Variants in FNIP1 observed in about 807,000 individuals in gnomAD.
FNIP1 encodes the protein folliculin-interacting protein 1.
Under a neutral mutation model 124.5 loss-of-function variants are expected in FNIP1, and 40 were observed. The ratio of observed to expected loss-of-function variants is 0.32; its 90% CI spans 0.25 to 0.42. FNIP1 has a LOEUF of 0.42. Ranked by LOEUF, FNIP1 falls within the 10% of genes least tolerant of loss-of-function variation. The pLI, the probability that FNIP1 is intolerant of heterozygous loss-of-function variation, is 1.00. For synonymous variants in FNIP1, 472 were observed against 470.6 expected (o/e 1.00, Z -0.04); for missense variants, 1,176 against 1,403.7 (o/e 0.84, Z 2.59).
At chr5:131,666,151 T>G (rs572667645) in intron 15 of FNIP1, among the ~76,000 whole-genome samples, 2 of 152,194 alleles carry the variant, frequency 1.3e-5, no homozygotes, top group Non-Finnish European at 2.9e-5. Context: ...CCTCCCAAAG[T>G]GCTGAGATTA....
At chr5:131,735,923 C>G (rs1008544112) in intron 2 of FNIP1, among the ~76,000 whole-genome samples, 1 of 151,934 alleles carries the variant, frequency 6.6e-6, no homozygotes, top group Non-Finnish European at 1.5e-5. Flanking sequence ...GCGTATGCCA[C>G]CACATCCAGC....
chr5:131,719,814 A>G (rs556673796), intron 3 of FNIP1, among the ~76,000 whole-genome samples: 51 of 152,350 alleles, frequency 3.3e-4, no homozygotes, highest in Admixed American at 7.8e-4. Context: ...GTGAAATTCA[A>G]AGAATATGCA....
intron 1 of FNIP1, chr5:131,796,584 G>A (rs575181644): frequency 3.8e-5 from 21 of 554,916 alleles, no homozygotes; most frequent in Admixed American, 6.4e-5. Flanking sequence ...CTGGGGGCAG[G>A]TCGTAAACAA....
chr5:131,727,539 C>A (rs1394462608), intron 3 of FNIP1, among the ~76,000 whole-genome samples: 1 of 152,064 alleles, frequency 6.6e-6, no homozygotes, highest in East Asian at 1.9e-4. Flanking sequence ...GGTAAATATT[C>A]CTCTATCCTT....
At position 131,675,926 on chromosome 5, in the gene FNIP1, C is replaced by T. The variant is rs187965735; in HGVS notation, c.1519+1777G>A. 1.9e-3 allele frequency among the ~76,000 whole-genome samples: 291 copies of T among 152,298 alleles called. 3 individuals are homozygous for T. The highest frequency in any genetic ancestry group is 5.6e-3 in the Admixed American group (86 of 15,302). On this transcript the variant is annotated intron_variant, in intron 13 of 17. Transcript: ENST00000510461. ...CCAGGCTACGGTGCAGTGGCATGAT[C>T]TCGGCTCATTGCAACCTCTGCCTCC...
intron 2 of FNIP1, among the ~76,000 whole-genome samples, chr5:131,734,782 T>C (rs1454323106): frequency 2.0e-5 from 3 of 152,284 alleles, no homozygotes; most frequent in East Asian, 3.9e-4. Context: ...CCAGTTAGAA[T>C]GGCGATCATT....
At chr5:131,753,869 G>A (rs1160814037) in intron 1 of FNIP1, among the ~76,000 whole-genome samples, 7 of 150,906 alleles carry the variant, frequency 4.6e-5, no homozygotes, top group Non-Finnish European at 1.0e-4. Context: ...GCTGGAGTGC[G>A]GTAGCACAAT....
Position 131,643,764 on chromosome 5 carries a change from G to A in FNIP1, c.*921C>T, listed in dbSNP as rs1015441929. The A allele has an allele frequency of 6.6e-6, 1 of 152,608 alleles. No individual in the cohort carries two copies. The highest frequency in any genetic ancestry group is 1.5e-5 in the Non-Finnish European group (1 of 68,010). The allele number at this position is 152,608 out of a possible 1,614,324, so 9.5% of individuals were successfully genotyped here. On this transcript the variant is annotated 3_prime_UTR_variant, in exon 18 of 18. Coordinates refer to ENST00000510461, the MANE Select transcript of FNIP1 (RefSeq NM_133372.3). Reference sequence around the variant, plus strand: ...GGTTGATACCAAAAGCAAGGGCCTTGGCTACCTGAGCACTTTTAAAGAATA... The same window carrying A: ...GGTTGATACCAAAAGCAAGGGCCTTAGCTACCTGAGCACTTTTAAAGAATA...
chr5:131,763,943 T>C (rs923558828), intron 1 of FNIP1, among the ~76,000 whole-genome samples: 1 of 152,076 alleles, frequency 6.6e-6, no homozygotes, highest in Admixed American at 6.5e-5. Flanking sequence ...TCTCCAGTAT[T>C]GGAGATGGAG....
rs1364379754 is a variant in FNIP1 at position 131,644,230 on chromosome 5, GA to G, written c.*454del. On this transcript the variant is annotated 3_prime_UTR_variant, in exon 18 of 18. Coordinates refer to ENST00000510461, the MANE Select transcript of FNIP1 (RefSeq NM_133372.3). ...GAAATAACCAGACATTAGCTGTTTT[GA>G]ATTGCAAAACTAACAAATAATCAAG... is the stretch of plus-strand genomic sequence containing the variant. The G allele has an allele frequency of 6.6e-6, 1 of 152,548 alleles. No individual in the cohort carries two copies. The highest frequency in any genetic ancestry group is 1.5e-5 in the Non-Finnish European group (1 of 68,276). 9.4% of individuals were successfully genotyped at this position (152,548 alleles called of 1,614,324 possible).
chr5:131,673,047 TTTTG>T (rs1580743907), intron 13 of FNIP1, 123 bp from the exon 14 acceptor site: 2 of 688,468 alleles, frequency 2.9e-6, no homozygotes, highest in East Asian at 3.0e-5. Context: ...TTACTCGTTT[TTTTG>T]TTTTTTTTTT....
At chr5:131,753,817 A>ATTT (rs930980214) in intron 1 of FNIP1, among the ~76,000 whole-genome samples, 7 of 145,060 alleles carry the variant, frequency 4.8e-5, no homozygotes, top group Non-Finnish European at 9.2e-5. Flanking sequence ...ATTAAAACAG[A>ATTT]TTTTTTTTTT....
At chr5:131,663,972 G>A (rs1286497040) in intron 15 of FNIP1, among the ~76,000 whole-genome samples, 3 of 151,894 alleles carry the variant, frequency 2.0e-5, no homozygotes, top group Non-Finnish European at 4.4e-5. Context: ...CTAGCTCAGA[G>A]GGTTTTAACA....
At chr5:131,736,727 T>G (rs1292047528) in intron 2 of FNIP1, among the ~76,000 whole-genome samples, 3 of 152,376 alleles carry the variant, frequency 2.0e-5, no homozygotes, top group East Asian at 3.9e-4. Flanking sequence ...CCTTTTGTTC[T>G]GTAGGATGTT....
intron 5 of FNIP1, among the ~76,000 whole-genome samples, chr5:131,716,977 A>AAT (rs1226843153): frequency 4.0e-5 from 6 of 151,262 alleles, no homozygotes; most frequent in East Asian, 1.9e-4. Context: ...AAGCCAAAAA[A>AAT]ATATATATAT....
At chr5:131,679,219 T>TATG in intron 11 of FNIP1, 44 bp from the exon 12 acceptor site, 1 of 1,100,074 alleles carries the variant, frequency 9.1e-7, no homozygotes, top group South Asian at 1.4e-5. Context: ...GTTCCAAGAG[T>TATG]TACATACTCT....
chr5:131,790,727 C>G (rs1055884578), intron 1 of FNIP1, among the ~76,000 whole-genome samples: 3 of 152,210 alleles, frequency 2.0e-5, no homozygotes, highest in African/African-American at 7.2e-5. Flanking sequence ...CAGACCTACT[C>G]TAGTCTGGAA....
intron 11 of FNIP1, among the ~76,000 whole-genome samples, chr5:131,698,255 C>T (rs1580764873): frequency 3.3e-5 from 5 of 152,306 alleles, no homozygotes; most frequent in Admixed American, 3.3e-4. Flanking sequence ...CTATGCTATT[C>T]TATCTCTCTA....
At chr5:131,690,040 G>A (rs1055749417) in intron 11 of FNIP1, among the ~76,000 whole-genome samples, 1 of 152,134 alleles carries the variant, frequency 6.6e-6, no homozygotes, top group Non-Finnish European at 1.5e-5. Flanking sequence ...CTAACACGGT[G>A]AAACCCCATC....
Sources: gnomAD v4.1 joint callset for allele counts (sites outside exome capture counted in the v4.1 genomes callset) on GRCh38, gnomAD v4.1.1 for gene constraint, MANE v1.5 for transcripts, NCBI Gene and HGNC (gene_info 2026-07-23, HGNC 2026-07-21) for gene names.